WASF2: variants seen among roughly 807,000 people sequenced by gnomAD.
WASF2 encodes the protein actin-binding protein WASF2.
WASF2 carries 14 observed loss-of-function variants against 45.0 expected under a neutral mutation model. The observed-to-expected ratio is 0.31, with a 90% CI of 0.21 to 0.49. WASF2 has a LOEUF of 0.49. WASF2 is among the 20% of genes least tolerant of loss of function. The pLI is 0.99. For missense variants in WASF2, 439 were observed against 636.1 expected (o/e 0.69, Z 3.33); for synonymous variants, 200 against 236.3 (o/e 0.85, Z 1.41).
At chr1:27,475,467 T>C (rs950436707) in intron 1 of WASF2, among the ~76,000 whole-genome samples, 1 of 152,236 alleles carries the variant, frequency 6.6e-6, no homozygotes, top group Non-Finnish European at 1.5e-5. Flanking sequence ...CTCGTTTCTC[T>C]ATTTCAATGG....
chr1:27,419,396 A>G (rs577546306), intron 2 of WASF2, among the ~76,000 whole-genome samples: 1 of 152,218 alleles, frequency 6.6e-6, no homozygotes, highest in African/African-American at 2.4e-5. Flanking sequence ...CTGGAAGAAA[A>G]GATAATATTT....
intron 1 of WASF2, among the ~76,000 whole-genome samples, chr1:27,437,086 A>G (rs1196980133): frequency 6.6e-6 from 1 of 152,210 alleles, no homozygotes; most frequent in African/African-American, 2.4e-5. Context: ...TGGTAATTCC[A>G]TAACTTTTTA....
chr1:27,458,897 A>G (rs2017509332), intron 1 of WASF2, among the ~76,000 whole-genome samples: 1 of 151,990 alleles, frequency 6.6e-6, no homozygotes, highest in African/African-American at 2.4e-5. Context: ...AGGCTGAGGC[A>G]GGCGGATCAC....
At chr1:27,465,356 C>T (rs2017600060) in intron 1 of WASF2, among the ~76,000 whole-genome samples, 1 of 152,178 alleles carries the variant, frequency 6.6e-6, no homozygotes, top group African/African-American at 2.4e-5. Context: ...AGTTAATTTG[C>T]ACACCATTCT....
rs372116055 is a variant in WASF2, at chr1:27,418,226, T to C, written c.419+43A>G. 122 of 1,581,224 alleles carry C rather than the reference T, an allele frequency of 7.7e-5. 1 individual carries two copies. Among genetic ancestry groups the C allele is most frequent in the Non-Finnish European group, 9.9e-5 (115 of 1,165,672 alleles). ...TCAGACAAAAAAAAATCTAGCGTTA[T>C]TAAACCATAGGTTGAAAAAGGGAGG... On this transcript the variant is annotated intron_variant, in intron 4 of 8. Coordinates refer to ENST00000618852, the MANE Select transcript of WASF2 (RefSeq NM_006990.5).
intron 1 of WASF2, among the ~76,000 whole-genome samples, chr1:27,454,137 G>GTGTGTGTATATATATATA (rs2017425526): frequency 6.5e-5 from 1 of 15,308 alleles, no homozygotes; most frequent in Non-Finnish European, 1.2e-4. Flanking sequence ...ATATATATAT[G>GTGTGTGTATATATATATA]TGTGTGTGTG....
chr1:27,412,798 C>T lies in WASF2; in HGVS notation c.669-71G>A, dbSNP rs2016782235. 3.3e-5 allele frequency: 51 copies of T among 1,568,282 alleles called. No homozygotes were observed. The South Asian group carries it at 5.1e-4, about 16-fold the overall frequency. ...GTGGGTTTTTTCTTCTTAAAAGGTA[C>T]TACAAAAATGCATTTGATACAAAAG... On this transcript the variant is annotated intron_variant, in intron 6 of 8. Transcript: ENST00000618852.
At position 27,428,866 on chromosome 1, in the gene WASF2, C is replaced by T. The variant is rs151177492; in HGVS notation, c.25G>A (p.Glu9Lys). 7 of 1,613,920 alleles carry T rather than the reference C, an allele frequency of 4.3e-6. No homozygotes were observed. Among genetic ancestry groups the T allele is most frequent in the Admixed American group, 1.7e-5 (1 of 59,996 alleles). Residue 9 changes from glutamate to lysine, a missense_variant, in exon 2 of 9, where the codon GAG becomes AAG. Around this residue, in one of 5 missense-constraint regions of WASF2, gnomAD observed 16 missense variants for 21.1 expected, o/e 0.76. Transcript: ENST00000618852. MPLVTRNI[E>K]PRHLCRQTLP... ...GTCTGACGGCACAGGTGCCTTGGCT[C>T]GATGTTCCTCGTTACTAACGGCATG...
At chr1:27,447,608 A>G (rs557402226) in intron 1 of WASF2, among the ~76,000 whole-genome samples, 2 of 152,344 alleles carry the variant, frequency 1.3e-5, no homozygotes, top group South Asian at 4.1e-4. Flanking sequence ...AAAGACAGTG[A>G]CATGGGTTGC....
chr1:27,470,823 T>A (rs2017677924), intron 1 of WASF2, among the ~76,000 whole-genome samples: 1 of 152,046 alleles, frequency 6.6e-6, no homozygotes, highest in Non-Finnish European at 1.5e-5. Context: ...AAAACCTACA[T>A]AAAAGGTATA....
rs567534609 is a variant in WASF2, at chr1:27,428,680, G to A, written c.130+81C>T. On this transcript the variant is annotated intron_variant, in intron 2 of 8. Coordinates refer to ENST00000618852, the MANE Select transcript of WASF2 (RefSeq NM_006990.5). ...AGGGAAGGCAGATGGGGGAGAAATAGGAACGCGGGAGGAGAAGGAAACTAA... is the reference window on the plus strand; with the variant it reads ...AGGGAAGGCAGATGGGGGAGAAATAAGAACGCGGGAGGAGAAGGAAACTAA... The A allele has an allele frequency of 9.0e-4, 1,441 of 1,605,974 alleles. 3 individuals are homozygous for A. The highest frequency in any genetic ancestry group is 1.6e-3 in the South Asian group (142 of 90,426).
In WASF2 at chr1:27,412,735, T is replaced by G. The variant is rs1467571586; in HGVS notation, c.669-8A>C. ...ACCAAAGTGGGTGGATACCTGACAA[T>G]GAACCGAATGCCAAAAACTGTCATT... On this transcript the variant is annotated splice_region_variant and splice_polypyrimidine_tract_variant and intron_variant, in intron 6 of 8. Transcript: ENST00000618852. 4 of 1,614,120 alleles carry G rather than the reference T, an allele frequency of 2.5e-6. No homozygotes were observed. The highest frequency in any genetic ancestry group is 2.5e-6 in the Non-Finnish European group (3 of 1,179,944).
chr1:27,423,049 G>A (rs531184899), intron 2 of WASF2, among the ~76,000 whole-genome samples: 96 of 150,324 alleles, frequency 6.4e-4, no homozygotes, highest in Non-Finnish European at 1.2e-3. Context: ...GCTGATACAT[G>A]AGAATCGCTT....
Position 27,414,251 on chromosome 1 carries a change from G to C in WASF2, c.668+582C>G, listed in dbSNP as rs551927166. Among the ~76,000 whole-genome samples, 13 of 152,306 alleles carry C rather than the reference G, an allele frequency of 8.5e-5. No homozygotes were observed. Among genetic ancestry groups the C allele is most frequent in the African/African-American group, 3.1e-4 (13 of 41,562 alleles). The stretch of plus-strand genomic sequence containing the variant: ...AACCTCCAGTGTGATTTGGTATTGG[G>C]AAATGGGGTCAGACTGACACCTCTT... On this transcript the variant is annotated intron_variant, in intron 6 of 8. Coordinates refer to ENST00000618852, the MANE Select transcript of WASF2 (RefSeq NM_006990.5). The surrounding 1 kb of genome is among the most constrained non-coding windows in gnomAD (Gnocchi z 4.1).
Position 27,414,848 on chromosome 1 carries a change from T to C in WASF2, c.653A>G (p.Lys218Arg). The change falls in exon 6 of 9, where the codon AAG (lysine) becomes AGG (arginine). Residue 218 changes from lysine (K) to arginine (R), a missense_variant. Lys to Arg is a conservative substitution (Grantham distance 26, BLOSUM62 2). Coordinates refer to ENST00000618852, the MANE Select transcript of WASF2 (RefSeq NM_006990.5). This position sits in a 1 kb window ranked among gnomAD's most constrained non-coding sequence, Gnocchi z 4.1. ...MGQEFVESKE[K>R]LGTSGYPPTL... is the part of the protein sequence containing the mutation. ...CATTACCTACCCAGAAGTCCCCAGC[T>C]TTTCTTTGGACTCCACAAATTCTTG... is the stretch of plus-strand genomic sequence containing the variant. The C allele has an allele frequency of 1.2e-6, 2 of 1,614,154 alleles. No homozygotes were observed. The highest frequency in any genetic ancestry group is 4.5e-5 in the East Asian group (2 of 44,882).
intron 1 of WASF2, among the ~76,000 whole-genome samples, chr1:27,437,268 ACT>A (rs991192490): frequency 6.6e-6 from 1 of 151,884 alleles, no homozygotes; most frequent in African/African-American, 2.4e-5. Flanking sequence ...CCAAAATTAG[ACT>A]CTCTTTTTAG....
Position 27,412,774 on chromosome 1 carries a change from T to C in WASF2, c.669-47A>G, listed in dbSNP as rs566555834. On this transcript the variant is annotated intron_variant, in intron 6 of 8. Transcript: ENST00000618852. ...AAAACTGTCATTTAAAGAGCCTGAGTGGGTTTTTTCTTCTTAAAAGGTACT... is the reference window on the plus strand; with the variant it reads ...AAAACTGTCATTTAAAGAGCCTGAGCGGGTTTTTTCTTCTTAAAAGGTACT... 35 of 1,609,520 alleles carry C rather than the reference T, an allele frequency of 2.2e-5. 2 individuals carry two copies. In the South Asian group the frequency reaches 3.4e-4, roughly 16 times the overall value.
At chr1:27,438,188 A>G (rs1557605439) in intron 1 of WASF2, among the ~76,000 whole-genome samples, 1 of 152,202 alleles carries the variant, frequency 6.6e-6, no homozygotes, top group Non-Finnish European at 1.5e-5. Context: ...GCTTGGTTTT[A>G]TGGAAGGGTC....
At chr1:27,453,858 C>T (rs1199711173) in intron 1 of WASF2, among the ~76,000 whole-genome samples, 1 of 152,008 alleles carries the variant, frequency 6.6e-6, no homozygotes, top group Non-Finnish European at 1.5e-5. Flanking sequence ...CACTGCACTC[C>T]AGCCTGGGCA....
Sources: allele counts gnomAD v4.1 joint callset (sites outside exome capture counted in the v4.1 genomes callset), GRCh38; gene constraint gnomAD v4.1.1; regional missense constraint gnomAD v4.1.1; non-coding constraint Gnocchi (gnomAD v3.1); transcripts MANE v1.5; gene names NCBI Gene and HGNC (gene_info 2026-07-23, HGNC 2026-07-21).